Variants in TMTC4 observed in about 807,000 individuals in gnomAD.
TMTC4 encodes the protein transmembrane O-mannosyltransferase targeting cadherins 4, also known as protein O-mannosyl-transferase TMTC4.
A neutral mutation model predicts 86.0 loss-of-function variants in TMTC4; 65 were observed. The observed-to-expected ratio is 0.76, with a 90% CI of 0.62 to 0.93. The LOEUF (loss-of-function observed/expected upper bound fraction) is 0.93, where lower values mean the gene tolerates loss of function less well. Ranked by LOEUF, TMTC4 falls within the 40% of genes least tolerant of loss-of-function variation. The pLI, the probability that TMTC4 is intolerant of heterozygous loss-of-function variation, is 0.00. For missense variants in TMTC4, 866 were observed against 948.1 expected, an observed-to-expected ratio of 0.91 and a Z score of 1.14; for synonymous variants, 379 against 382.5, an observed-to-expected ratio of 0.99 and a Z score of 0.11.
At chr13:100,657,298 GCT>G (rs1472455535) in intron 5 of TMTC4, among the ~76,000 whole-genome samples, 2 of 152,230 alleles carry the variant, frequency 1.3e-5, no homozygotes, top group Admixed American at 1.3e-4. Context: ...AGCTGCCTCT[GCT>G]CTTTTTTCTT....
intron 12 of TMTC4, among the ~76,000 whole-genome samples, chr13:100,630,023 GTGTA>G (rs1473017122): frequency 0.1 from 875 of 8,602 alleles, 10 homozygotes; most frequent in Middle Eastern, 0.5. Flanking sequence ...CCCAATCTGT[GTGTA>G]TGTGTGTGTG....
chr13:100,636,749 G>A lies in TMTC4; in HGVS notation c.1000-15C>T. The A allele has an allele frequency of 6.2e-7, 1 of 1,613,646 alleles. No individual in the cohort carries two copies. Among genetic ancestry groups the A allele is most frequent in the Non-Finnish European group, 8.5e-7 (1 of 1,179,600 alleles). Reference sequence around the variant, plus strand: ...TAGTTTACGGCCTGCCAGTCAAAAGGAGAACAAACATCTATTTGATACTGA... The same window carrying A: ...TAGTTTACGGCCTGCCAGTCAAAAGAAGAACAAACATCTATTTGATACTGA... On this transcript the variant is annotated splice_polypyrimidine_tract_variant and intron_variant, in intron 9 of 18. Transcript: ENST00000342624.
At chr13:100,613,068 C>A (rs1414076803) in intron 16 of TMTC4, among the ~76,000 whole-genome samples, 1 of 152,130 alleles carries the variant, frequency 6.6e-6, no homozygotes, top group East Asian at 1.9e-4. Flanking sequence ...CTTAAGACAA[C>A]CATCGCCTCA....
intron 15 of TMTC4, among the ~76,000 whole-genome samples, chr13:100,621,705 G>A (rs891078714): frequency 3.3e-5 from 5 of 152,196 alleles, no homozygotes; most frequent in South Asian, 4.1e-4. Flanking sequence ...GATTACAGGC[G>A]TGAGCCACCG....
rs377362231 is a variant in TMTC4 at position 100,626,123 on chromosome 13, C to A, written c.1534G>T (p.Ala512Ser). 4 of 1,614,082 alleles carry A rather than the reference C, an allele frequency of 2.5e-6. No homozygotes were observed. The highest frequency in any genetic ancestry group is 3.4e-6 in the Non-Finnish European group (4 of 1,180,040). The change falls in exon 13 of 19, where the codon GCT becomes TCT. Residue 512 changes from alanine to serine, a missense_variant. By Grantham distance (99) the Ala-to-Ser change is moderately conservative. Transcript: ENST00000342624. ...GCAGCTGTCTGGTTGCCTTTATCAG[C>A]CAGGTTTTTGCCAATGTTGTAGTGA... is the stretch of plus-strand genomic sequence containing the variant. ...KVHYNIGKNL[A>S]DKGNQTAAIR...
At position 100,638,027 on chromosome 13, in the gene TMTC4, G is replaced by C; in HGVS notation, c.742-5C>G. On this transcript the variant is annotated splice_polypyrimidine_tract_variant and splice_region_variant and intron_variant, in intron 7 of 18. Coordinates refer to ENST00000342624, the MANE Select transcript of TMTC4 (RefSeq NM_032813.5). ...GTCAAATACCGCATTTAAACCCTAA[G>C]AAAGCAAAGCAAGACAATCAGCCAC... is the stretch of plus-strand genomic sequence containing the variant. The C allele has an allele frequency of 6.2e-7, 1 of 1,612,936 alleles. No individual in the cohort carries two copies. The highest frequency in any genetic ancestry group is 8.5e-7 in the Non-Finnish European group (1 of 1,179,590).
chr13:100,638,470 G>A (rs1882572977), intron 7 of TMTC4: 1 of 153,850 alleles, frequency 6.5e-6, no homozygotes. Flanking sequence ...TGAACCTTAA[G>A]TGCCAGTGCA....
rs1296520995 is a variant in TMTC4, at chr13:100,603,957, T to C, written c.*1037A>G. 1.3e-5 allele frequency: 2 copies of C among 152,640 alleles called. No individual in the cohort carries two copies. The highest frequency in any genetic ancestry group is 2.9e-5 in the Non-Finnish European group (2 of 68,050). 9.5% of individuals were successfully genotyped at this position (152,640 alleles called of 1,614,324 possible). On this transcript the variant is annotated 3_prime_UTR_variant, in exon 19 of 19. Transcript: ENST00000342624. ...ATGCTAGTTTGTGTAGTAATTTTAC[T>C]GCATAAGAAATTACAGAGATTGCAT... is the stretch of plus-strand genomic sequence containing the variant.
chr13:100,671,094 G>A (rs937568772), intron 1 of TMTC4, among the ~76,000 whole-genome samples: 30 of 152,246 alleles, frequency 2.0e-4, no homozygotes, highest in African/African-American at 5.5e-4. Context: ...ATAGAGTCAT[G>A]AGCTGACAAA....
At chr13:100,652,111 G>A (rs1218189375) in intron 6 of TMTC4, among the ~76,000 whole-genome samples, 1 of 152,132 alleles carries the variant, frequency 6.6e-6, no homozygotes, top group East Asian at 1.9e-4. Context: ...GTTGCAGTGA[G>A]CCAAGATCGT....
At chr13:100,663,533 T>C (rs1886048252) in intron 4 of TMTC4, among the ~76,000 whole-genome samples, 1 of 152,164 alleles carries the variant, frequency 6.6e-6, no homozygotes, top group African/African-American at 2.4e-5. Context: ...ACACTACTCA[T>C]GGTTACCCCC....
At chr13:100,621,375 G>T (rs1385391436) in intron 15 of TMTC4, among the ~76,000 whole-genome samples, 1 of 152,140 alleles carries the variant, frequency 6.6e-6, no homozygotes, top group African/African-American at 2.4e-5. Flanking sequence ...TAAAGTAACA[G>T]AAGAGCAATC....
At chr13:100,652,712 G>C (rs1365883038) in intron 6 of TMTC4, among the ~76,000 whole-genome samples, 2 of 152,178 alleles carry the variant, frequency 1.3e-5, no homozygotes, top group Non-Finnish European at 2.9e-5. Flanking sequence ...GATCCTTACT[G>C]AGTGCCTGCT....
chr13:100,656,915 A>T (rs1885189531), intron 5 of TMTC4, among the ~76,000 whole-genome samples: 4 of 152,146 alleles, frequency 2.6e-5, no homozygotes, highest in Admixed American at 2.6e-4. Context: ...TAAATACATG[A>T]TGTAGCTGTG....
At chr13:100,630,062 T>C (rs1881142591) in intron 12 of TMTC4, among the ~76,000 whole-genome samples, 1 of 148,024 alleles carries the variant, frequency 6.8e-6, no homozygotes, top group Non-Finnish European at 1.5e-5. Flanking sequence ...TGTGTGTGTG[T>C]GTGTATGTGT....
At chr13:100,623,398 A>AT (rs1378658038) in intron 15 of TMTC4, among the ~76,000 whole-genome samples, 1 of 152,068 alleles carries the variant, frequency 6.6e-6, no homozygotes. Flanking sequence ...ATGTCTGGCT[A>AT]TTTTTTGTAT....
At chr13:100,673,055 G>A (rs953500132) in intron 1 of TMTC4, among the ~76,000 whole-genome samples, 1 of 152,168 alleles carries the variant, frequency 6.6e-6, no homozygotes, top group Non-Finnish European at 1.5e-5. Flanking sequence ...TGACTCCTGC[G>A]ACAGAATCAA....
intron 7 of TMTC4, among the ~76,000 whole-genome samples, chr13:100,641,782 C>T (rs1000415319): frequency 1.3e-5 from 2 of 152,138 alleles, no homozygotes; most frequent in African/African-American, 4.8e-5. Flanking sequence ...CCATGGCGCC[C>T]GGCCCTGTTC....
intron 16 of TMTC4, 33 bp from the exon 17 acceptor site, chr13:100,612,543 G>A: frequency 6.6e-7 from 1 of 1,519,152 alleles, no homozygotes; most frequent in Non-Finnish European, 9.1e-7. Flanking sequence ...TAAAAGACAT[G>A]TTAATGTTGT....
Sources: allele counts gnomAD v4.1 joint callset (sites outside exome capture counted in the v4.1 genomes callset), GRCh38; gene constraint gnomAD v4.1.1; transcripts MANE v1.5; gene names NCBI Gene and HGNC (gene_info 2026-07-23, HGNC 2026-07-21).